The following ZFPM2 variants were observed in gnomAD, a reference collection of about 807,000 sequenced individuals.
The protein encoded by ZFPM2 is zinc finger protein, FOG family member 2.
ZFPM2 carries 20 observed loss-of-function variants against 98.6 expected under a neutral mutation model. That is an observed-to-expected ratio of 0.20 (90% CI 0.14 to 0.29). The LOEUF (loss-of-function observed/expected upper bound fraction) is 0.29, where lower values mean the gene tolerates loss of function less well. Ranked by LOEUF, ZFPM2 falls within the 10% of genes least tolerant of loss-of-function variation. The probability of loss-of-function intolerance (pLI) is 1.00; values close to 1 mark genes in which losing one functional copy is unlikely to be tolerated. For missense variants in ZFPM2, 1,310 were observed against 1,388.6 expected, an observed-to-expected ratio of 0.94 and a Z score of 0.90; for synonymous variants, 518 against 502.7, an observed-to-expected ratio of 1.03 and a Z score of -0.41.
chr8:105,490,104 G>T (rs1813328704), intron 3 of ZFPM2, among the ~76,000 whole-genome samples: 3 of 152,072 alleles, frequency 2.0e-5, no homozygotes, highest in Middle Eastern at 3.4e-3. Context: ...AAAATTAGCT[G>T]GGCGTGGTGG....
chr8:105,542,117 A>G (rs189189483), intron 3 of ZFPM2, among the ~76,000 whole-genome samples: 7 of 152,322 alleles, frequency 4.6e-5, no homozygotes, highest in East Asian at 3.9e-4. Flanking sequence ...AATAATTTTT[A>G]TATGAAAAAT....
chr8:105,642,221 T>C (rs1816961389), intron 5 of ZFPM2, among the ~76,000 whole-genome samples: 1 of 152,074 alleles, frequency 6.6e-6, no homozygotes, highest in African/African-American at 2.4e-5. Context: ...TATTATAAGA[T>C]AAATCTAGGT....
At chr8:105,487,225 A>G (rs1813247337) in intron 3 of ZFPM2, among the ~76,000 whole-genome samples, 1 of 152,024 alleles carries the variant, frequency 6.6e-6, no homozygotes. Context: ...CGATCCTCCC[A>G]CCGCAGCCTC....
chr8:105,592,389 C>T (rs1187487655), intron 4 of ZFPM2, among the ~76,000 whole-genome samples: 1 of 152,032 alleles, frequency 6.6e-6, no homozygotes, highest in Non-Finnish European at 1.5e-5. Context: ...GGCAGGCCAT[C>T]CTTGAAACCC....
chr8:105,346,147 AG>A (rs1333634726), intron 1 of ZFPM2, among the ~76,000 whole-genome samples: 1 of 152,088 alleles, frequency 6.6e-6, no homozygotes, highest in East Asian at 1.9e-4. Context: ...GCACTTTGGG[AG>A]GCTGTGGCAG....
chr8:105,373,610 T>C (rs1017665794), intron 1 of ZFPM2, among the ~76,000 whole-genome samples: 8 of 152,002 alleles, frequency 5.3e-5, no homozygotes, highest in African/African-American at 1.7e-4. Flanking sequence ...GCTAACAAAA[T>C]GGAAGATAGA....
chr8:105,370,149 A>G (rs374474333), intron 1 of ZFPM2, among the ~76,000 whole-genome samples: 1 of 152,164 alleles, frequency 6.6e-6, no homozygotes, highest in Non-Finnish European at 1.5e-5. Flanking sequence ...ATGACAGTGC[A>G]AAGTAAATCC....
intron 3 of ZFPM2, among the ~76,000 whole-genome samples, chr8:105,474,757 A>G (rs1323002387): frequency 1.3e-5 from 2 of 152,194 alleles, no homozygotes; most frequent in Non-Finnish European, 2.9e-5. Context: ...CGTTAAAACC[A>G]TCCTATGATT....
At chr8:105,530,703 A>G (rs969912125) in intron 3 of ZFPM2, among the ~76,000 whole-genome samples, 3 of 152,110 alleles carry the variant, frequency 2.0e-5, no homozygotes, top group African/African-American at 2.4e-5. Flanking sequence ...TTATTTATCT[A>G]TTAAAGACCC....
At chr8:105,561,507 A>G (rs1341485782) in intron 4 of ZFPM2, 26 bp downstream of exon 4, 17 of 1,531,452 alleles carry the variant, frequency 1.1e-5, no homozygotes, top group Non-Finnish European at 1.5e-5. Flanking sequence ...GAGATGGTTA[A>G]TATTTTGTCA....
chr8:105,516,113 A>G (rs1420394284), intron 3 of ZFPM2, among the ~76,000 whole-genome samples: 1 of 151,840 alleles, frequency 6.6e-6, no homozygotes, highest in African/African-American at 2.4e-5. Flanking sequence ...TTTACTAGAG[A>G]TGGGGTTTCA....
chr8:105,701,543 A>G (rs1311324093), intron 5 of ZFPM2, among the ~76,000 whole-genome samples: 11 of 152,236 alleles, frequency 7.2e-5, no homozygotes, highest in Non-Finnish European at 1.5e-4. Context: ...AAAGGCTAAA[A>G]CACTTTCTAA....
At chr8:105,591,993 A>T (rs1300822386) in intron 4 of ZFPM2, among the ~76,000 whole-genome samples, 1 of 152,312 alleles carries the variant, frequency 6.6e-6, no homozygotes, top group Middle Eastern at 3.4e-3. Context: ...TCTGTTCTCA[A>T]AACACAAGCA....
Position 105,684,367 on chromosome 8 carries a change from A to T in ZFPM2, c.532+50010A>T, listed in dbSNP as rs564527887. Among the ~76,000 whole-genome samples the T allele has an allele frequency of 1.8e-4, 28 of 152,244 alleles. No homozygotes were observed. The South Asian group carries it at 5.4e-3, about 29-fold the overall frequency. ...AAGTAGAATGAAAATTGGGGTGTCA[A>T]AAATTACCTTAATTTTCACCTTGAG... is the stretch of plus-strand genomic sequence containing the variant. On this transcript the variant is annotated intron_variant, in intron 5 of 7. Coordinates refer to ENST00000407775, the MANE Select transcript of ZFPM2 (RefSeq NM_012082.4).
intron 2 of ZFPM2, among the ~76,000 whole-genome samples, chr8:105,442,300 C>T (rs1473220342): frequency 3.9e-5 from 6 of 152,038 alleles, no homozygotes; most frequent in Non-Finnish European, 8.8e-5. Context: ...GCCGAGATCG[C>T]GCCACTGCAC....
At chr8:105,688,793 A>G (rs944360307) in intron 5 of ZFPM2, among the ~76,000 whole-genome samples, 1 of 152,098 alleles carries the variant, frequency 6.6e-6, no homozygotes, top group African/African-American at 2.4e-5. Context: ...AATACATTAC[A>G]CTCTTCTCAT....
At chr8:105,729,584 C>T (rs1316282598) in intron 5 of ZFPM2, among the ~76,000 whole-genome samples, 1 of 151,608 alleles carries the variant, frequency 6.6e-6, no homozygotes, top group Non-Finnish European at 1.5e-5. Flanking sequence ...CAACATTACG[C>T]TAAGCATTTA....
chr8:105,545,476 TAGAA>T (rs1234467475), intron 3 of ZFPM2, among the ~76,000 whole-genome samples: 3 of 152,098 alleles, frequency 2.0e-5, no homozygotes, highest in South Asian at 4.1e-4. Flanking sequence ...TCTATTGAGT[TAGAA>T]AGAAAAAGGA....
chr8:105,523,569 A>T (rs111824521), intron 3 of ZFPM2, among the ~76,000 whole-genome samples: 1 of 152,194 alleles, frequency 6.6e-6, no homozygotes, highest in Non-Finnish European at 1.5e-5. Context: ...GAATCACAGC[A>T]TCCTGAGCTT....
Sources: gnomAD v4.1 joint callset for allele counts (sites outside exome capture counted in the v4.1 genomes callset) on GRCh38, gnomAD v4.1.1 for gene constraint, MANE v1.5 for transcripts, NCBI Gene and HGNC (gene_info 2026-07-23, HGNC 2026-07-21) for gene names.